Variants in CCL8 observed in about 807,000 individuals in gnomAD.
CCL8 encodes C-C motif chemokine 8.
A neutral mutation model predicts 6.6 loss-of-function variants in CCL8; 3 were observed. The observed-to-expected ratio is 0.45, with a 90% CI of 0.21 to 1.17. CCL8 has a LOEUF of 1.17. CCL8 is among the 50% of genes most tolerant of loss of function. The pLI is 0.24. For synonymous variants in CCL8, 49 were observed against 41.8 expected (o/e 1.17, Z -0.67); for missense variants, 127 against 118.1 (o/e 1.08, Z -0.35).
intron 2 of CCL8, 69 bp downstream of exon 2, chr17:34,320,455 T>C (rs1597604589): frequency 1.0e-6 from 1 of 999,342 alleles, no homozygotes; most frequent in East Asian, 2.4e-5. Flanking sequence ...TCAAGATTCA[T>C]GTCCATATGA....
Position 34,320,265 on chromosome 17 carries a change from T to C in CCL8, c.77-4T>C, listed in dbSNP as rs769453741. On this transcript the variant is annotated splice_region_variant and splice_polypyrimidine_tract_variant and intron_variant, in intron 1 of 2. Coordinates refer to ENST00000394620, the MANE Select transcript of CCL8 (RefSeq NM_005623.3). ...TGTCTCATTCTTTGCAAAATTTCTT[T>C]CAGATTCAGTTTCCATTCCAATCAC... 6.2e-7 allele frequency: 1 copy of C among 1,601,660 alleles called. No homozygotes were observed. Among genetic ancestry groups the C allele is most frequent in the Non-Finnish European group, 8.6e-7 (1 of 1,168,752 alleles).
Position 34,320,343 on chromosome 17 carries a change from T to TACAC in CCL8, c.153_156dup (p.Arg53HisfsTer26). The stretch of plus-strand genomic sequence containing the variant: ...AATTCCTATCCAGAGGCTGGAGAGC[T>TACAC]ACACAAGAATCACCAACATCCAATG... On this transcript the variant is annotated frameshift_variant, in exon 2 of 3. Coordinates refer to ENST00000394620, the MANE Select transcript of CCL8 (RefSeq NM_005623.3). LOFTEE classifies it low-confidence loss of function (END_TRUNC). 1.2e-6 allele frequency: 2 copies of TACAC among 1,613,628 alleles called. No individual in the cohort carries two copies. Among genetic ancestry groups the TACAC allele is most frequent in the Non-Finnish European group, 1.7e-6 (2 of 1,179,576 alleles).
chr17:34,320,683 C>A, intron 2 of CCL8, 119 bp from the exon 3 acceptor site: 1 of 643,480 alleles, frequency 1.6e-6, no homozygotes. Context: ...CCCTCCTCTC[C>A]CGGGTCCGGG....
In CCL8 at chr17:34,320,384, G is replaced by C. The variant is rs766571772; in HGVS notation, c.192G>C (p.Val64=). The change falls in exon 2 of 3, where the codon GTG becomes GTC. Residue 64 remains valine, a splice_region_variant and synonymous_variant. Transcript: ENST00000394620. ...ACATCCAATGTCCCAAGGAAGCTGT[G>C]ATGTGAGTGGACAGTGCCTGGCACC... is the stretch of plus-strand genomic sequence containing the variant. ...ITNIQCPKEA[V]IFKTKRGKEV... is the part of the protein sequence containing the mutation. 3.6e-5 allele frequency: 57 copies of C among 1,587,284 alleles called. No homozygotes were observed. The highest frequency in any genetic ancestry group is 4.6e-5 in the Non-Finnish European group (53 of 1,155,616).
chr17:34,320,130 T>C, intron 1 of CCL8, 139 bp from the exon 2 acceptor site: 1 of 623,192 alleles, frequency 1.6e-6, no homozygotes, highest in Non-Finnish European at 2.9e-6. Context: ...CAGGCAACAT[T>C]TTATCTCTGG....
chr17:34,320,779 A>C, intron 2 of CCL8, 23 bp from the exon 3 acceptor site: 1 of 1,459,720 alleles, frequency 6.9e-7, no homozygotes, highest in Non-Finnish European at 9.5e-7. Context: ...CTTCCATCTA[A>C]TTGTGCCCTC....
intron 1 of CCL8, among the ~76,000 whole-genome samples, 183 bp from the exon 2 acceptor site, chr17:34,320,086 C>T (rs745703989): frequency 3.3e-5 from 5 of 152,120 alleles, no homozygotes; most frequent in African/African-American, 4.8e-5. Context: ...TCAACAATGA[C>T]GGGCCGCAGA....
chr17:34,319,446 G>C lies in CCL8; in HGVS notation c.-56G>C, dbSNP rs1909452824. Reference sequence around the variant, plus strand: ...AGCCACCGAGGAGCAGAGAGGTTGAGAACAACCCAGAAACCTTCACCTCTC... The same window carrying C: ...AGCCACCGAGGAGCAGAGAGGTTGACAACAACCCAGAAACCTTCACCTCTC... On this transcript the variant is annotated 5_prime_UTR_variant, in exon 1 of 3. Coordinates refer to ENST00000394620, the MANE Select transcript of CCL8 (RefSeq NM_005623.3). 1.3e-6 allele frequency: 2 copies of C among 1,519,636 alleles called. No homozygotes were observed. Among genetic ancestry groups the C allele is most frequent in the Non-Finnish European group, 9.1e-7 (1 of 1,095,722 alleles). The allele number at this position is 1,519,636 out of a possible 1,614,324, so 94.1% of individuals were successfully genotyped here. A position where few individuals can be genotyped will look rare whatever the true frequency, so the allele number is the denominator to read the frequency against.
At position 34,319,479 on chromosome 17, in the gene CCL8, A is replaced by G. The variant is rs1161364503; in HGVS notation, c.-23A>G. 1.2e-6 allele frequency: 2 copies of G among 1,611,464 alleles called. No individual in the cohort carries two copies. The highest frequency in any genetic ancestry group is 2.7e-5 in the African/African-American group (2 of 74,842). On this transcript the variant is annotated 5_prime_UTR_variant, in exon 1 of 3. Coordinates refer to ENST00000394620, the MANE Select transcript of CCL8 (RefSeq NM_005623.3). Reference sequence around the variant, plus strand: ...CAGAAACCTTCACCTCTCATGCTGAAGCTCACACCCTTGCCCTCCAAGATG... The same window carrying G: ...CAGAAACCTTCACCTCTCATGCTGAGGCTCACACCCTTGCCCTCCAAGATG...
In CCL8 at chr17:34,319,574, C is replaced by T; in HGVS notation, c.73C>T (p.Pro25Ser). 6.2e-7 allele frequency: 1 copy of T among 1,611,418 alleles called. No homozygotes were observed. The highest frequency in any genetic ancestry group is 8.5e-7 in the Non-Finnish European group (1 of 1,177,830). ...TTTCAGCCCTCAGGGACTTGCTCAG[C>T]CAGGTAAGACCTCTCCCTTTTTAAG... ...ATFSPQGLAQ[P>S]DSVSIPITCC... The change falls in exon 1 of 3, where the codon CCA (proline) becomes TCA (serine). Residue 25 changes from proline to serine, a missense_variant. By Grantham distance (74) the Pro-to-Ser change is moderately conservative. Transcript: ENST00000394620.
rs1909508359 is a variant in CCL8 at position 34,321,031 on chromosome 17, T to G, written c.*124T>G. Reference sequence around the variant, plus strand: ...CCACAAAGAGATTATTTTTAAATAATTTAAAGCATAATATTTCTTAAAAAG... The same window carrying G: ...CCACAAAGAGATTATTTTTAAATAAGTTAAAGCATAATATTTCTTAAAAAG... On this transcript the variant is annotated 3_prime_UTR_variant, in exon 3 of 3. Transcript: ENST00000394620. 1.6e-6 allele frequency: 1 copy of G among 612,228 alleles called. No homozygotes were observed. The allele number at this position is 612,228 out of a possible 1,614,324, so 37.9% of individuals were successfully genotyped here.
rs201624360 is a variant in CCL8, at chr17:34,319,561, G to A, written c.60G>A (p.Gln20=). 3.1e-6 allele frequency: 5 copies of A among 1,613,760 alleles called. No homozygotes were observed. Among genetic ancestry groups the A allele is most frequent in the Non-Finnish European group, 4.2e-6 (5 of 1,179,756 alleles). ...TCATGGCAGCCACTTTCAGCCCTCA[G>A]GGACTTGCTCAGCCAGGTAAGACCT... ...LLLMAATFSP[Q]GLAQPDSVSI... Residue 20 remains glutamine, a synonymous_variant, in exon 1 of 3, where the codon CAG becomes CAA. Coordinates refer to ENST00000394620, the MANE Select transcript of CCL8 (RefSeq NM_005623.3).
In CCL8 at chr17:34,320,878, G is replaced by A. The variant is rs1909503092; in HGVS notation, c.271G>A (p.Asp91Asn). The A allele has an allele frequency of 6.2e-7, 1 of 1,609,668 alleles. No individual in the cohort carries two copies. The highest frequency in any genetic ancestry group is 8.5e-7 in the Non-Finnish European group (1 of 1,178,118). ...RWVRDSMKHL[D>N]QIFQNLKP ...GGTCAGGGATTCCATGAAGCATCTG[G>A]ACCAAATATTTCAAAATCTGAAGCC... The change falls in exon 3 of 3, where the codon GAC (aspartate) becomes AAC (asparagine). Residue 91 changes from aspartate (D) to asparagine (N), a missense_variant. Coordinates refer to ENST00000394620, the MANE Select transcript of CCL8 (RefSeq NM_005623.3).
Position 34,320,610 on chromosome 17 carries a change from G to C in CCL8, c.195-192G>C, listed in dbSNP as rs1265762754. The stretch of plus-strand genomic sequence containing the variant: ...AATATCTGTAGCCAGGACCCTGGAG[G>C]GTTTCACCTGGACAGCAAGAGCAGA... On this transcript the variant is annotated intron_variant, in intron 2 of 2. Transcript: ENST00000394620. 3.9e-5 allele frequency among the ~76,000 whole-genome samples: 6 copies of C among 152,184 alleles called. No homozygotes were observed. In the East Asian group the frequency reaches 1.2e-3, roughly 29 times the overall value.
At position 34,320,841 on chromosome 17, in the gene CCL8, C is replaced by T; in HGVS notation, c.234C>T (p.Pro78=). The T allele has an allele frequency of 1.9e-6, 3 of 1,611,128 alleles. No individual in the cohort carries two copies. Among genetic ancestry groups the T allele is most frequent in the East Asian group, 2.2e-5 (1 of 44,660 alleles). The change falls in exon 3 of 3, where the codon CCC becomes CCT. Residue 78 remains proline, a synonymous_variant. Transcript: ENST00000394620. The part of the protein sequence containing the change: ...TKRGKEVCAD[P]KERWVRDSMK... ...GGGGCAAGGAGGTCTGTGCTGACCC[C>T]AAGGAGAGATGGGTCAGGGATTCCA...
In CCL8 at chr17:34,319,673, C is replaced by G. The variant is rs539898665; in HGVS notation, c.76+96C>G. The G allele has an allele frequency of 4.3e-6, 4 of 936,510 alleles. No homozygotes were observed. In the South Asian group the frequency reaches 6.1e-5, roughly 14 times the overall value. 58.0% of individuals were successfully genotyped at this position (936,510 alleles called of 1,614,324 possible). On this transcript the variant is annotated intron_variant, in intron 1 of 2. Transcript: ENST00000394620. ...AGGAACAAAACCAGAACTAAAGGCT[C>G]AGGTCACTGAGGCTGGTTCCCTTGA...
chr17:34,321,091 T>C lies in CCL8; in HGVS notation c.*184T>C, dbSNP rs1909511561. 1 of 510,246 alleles carries C rather than the reference T, an allele frequency of 2.0e-6. No homozygotes were observed. The highest frequency in any genetic ancestry group is 3.6e-5 in the East Asian group (1 of 27,924). The allele number at this position is 510,246 out of a possible 1,614,324, so 31.6% of individuals were successfully genotyped here. A position where few individuals can be genotyped will look rare whatever the true frequency, so the allele number is the denominator to read the frequency against. On this transcript the variant is annotated 3_prime_UTR_variant, in exon 3 of 3. Transcript: ENST00000394620. ...ATATTTAAGTTGTTGATGTTTTAAC[T>C]CTATCTGTCATACATCCTAGTGAAT...
At position 34,320,891 on chromosome 17, in the gene CCL8, A is replaced by C. The variant is rs760471432; in HGVS notation, c.284A>C (p.Gln95Pro). The C allele has an allele frequency of 1.2e-6, 2 of 1,608,164 alleles. No homozygotes were observed. The highest frequency in any genetic ancestry group is 4.5e-5 in the East Asian group (2 of 44,292). The part of the protein sequence containing the change: ...DSMKHLDQIF[Q>P]NLKP ...ATGAAGCATCTGGACCAAATATTTC[A>C]AAATCTGAAGCCATGAGCCTTCATA... Residue 95 changes from glutamine (Q) to proline (P), a missense_variant, in exon 3 of 3, where the codon CAA (glutamine) becomes CCA (proline). By Grantham distance (76) the Gln-to-Pro change is moderately conservative. Coordinates refer to ENST00000394620, the MANE Select transcript of CCL8 (RefSeq NM_005623.3).
chr17:34,320,491 AAGGGC>A, intron 2 of CCL8, 105 bp downstream of exon 2: 1 of 768,686 alleles, frequency 1.3e-6, no homozygotes, highest in South Asian at 1.6e-5. Context: ...CTTCTATCCA[AAGGGC>A]CCCTCTACCC....
Sources: gnomAD v4.1 joint callset for allele counts (sites outside exome capture counted in the v4.1 genomes callset) on GRCh38, gnomAD v4.1.1 for gene constraint, MANE v1.5 for transcripts, NCBI Gene and HGNC (gene_info 2026-07-23, HGNC 2026-07-21) for gene names.